The following SPAG17 variants were observed in gnomAD, a reference collection of about 807,000 sequenced individuals.
SPAG17 encodes sperm-associated antigen 17.
Under a neutral mutation model 273.6 loss-of-function variants are expected in SPAG17, and 169 were observed. The observed-to-expected ratio is 0.62, with a 90% CI of 0.55 to 0.70. The LOEUF is 0.70. SPAG17 is among the 30% of genes least tolerant of loss of function. The pLI is 0.00. For synonymous variants in SPAG17, 825 were observed against 873.2 expected (o/e 0.94, Z 0.97); for missense variants, 2,557 against 2,627.8 (o/e 0.97, Z 0.59).
chr1:118,134,473 G>T (rs1424560968), intron 3 of SPAG17, among the ~76,000 whole-genome samples: 1 of 152,046 alleles, frequency 6.6e-6, no homozygotes, highest in Non-Finnish European at 1.5e-5. Context: ...AACATGCATT[G>T]CTATAATAAT....
intron 6 of SPAG17, 82 bp from the exon 7 acceptor site, chr1:118,097,933 C>T: frequency 2.2e-6 from 2 of 912,606 alleles, no homozygotes; most frequent in East Asian, 5.3e-5. Flanking sequence ...GAGTCATATG[C>T]ATTGCAAGAT....
At chr1:118,069,989 G>A (rs979272273) in intron 17 of SPAG17, among the ~76,000 whole-genome samples, 1 of 152,164 alleles carries the variant, frequency 6.6e-6, no homozygotes, top group Non-Finnish European at 1.5e-5. Flanking sequence ...CAGCTTCATG[G>A]AGCAGTAAGG....
chr1:118,048,883 G>A (rs181235873), intron 20 of SPAG17, among the ~76,000 whole-genome samples: 88 of 152,118 alleles, frequency 5.8e-4, no homozygotes, highest in African/African-American at 1.8e-3. Context: ...GCGACAGAGC[G>A]AGACTCCATC....
chr1:118,028,899 G>A (rs1648095388), intron 25 of SPAG17, among the ~76,000 whole-genome samples: 1 of 152,134 alleles, frequency 6.6e-6, no homozygotes. Flanking sequence ...AGAGGTTGAT[G>A]GGAACACCTT....
chr1:117,995,502 C>G (rs1657551484), intron 34 of SPAG17, among the ~76,000 whole-genome samples: 1 of 151,970 alleles, frequency 6.6e-6, no homozygotes, highest in Non-Finnish European at 1.5e-5. Flanking sequence ...CTTATTCTCC[C>G]ACAGTTCCAT....
chr1:117,956,717 T>G (rs560016213), intron 48 of SPAG17, among the ~76,000 whole-genome samples: 6 of 152,310 alleles, frequency 3.9e-5, no homozygotes, highest in Middle Eastern at 3.4e-3. Flanking sequence ...TCAATCATCA[T>G]GTCAGGATCA....
chr1:118,180,002 A>G (rs751458334), intron 1 of SPAG17, among the ~76,000 whole-genome samples: 4 of 152,080 alleles, frequency 2.6e-5, no homozygotes, highest in Non-Finnish European at 5.9e-5. Flanking sequence ...TGAGAATGTA[A>G]ATTAGTACAG....
chr1:118,075,005 A>C (rs1056470359), intron 15 of SPAG17, among the ~76,000 whole-genome samples: 1 of 152,142 alleles, frequency 6.6e-6, no homozygotes, highest in African/African-American at 2.4e-5. Context: ...ATTTCTGTGG[A>C]TCTTATCTTG....
rs1478349732 is a variant in SPAG17 at position 118,091,617 on chromosome 1, T to C, written c.1348A>G (p.Met450Val). 55 of 1,604,490 alleles carry C rather than the reference T, an allele frequency of 3.4e-5. No individual in the cohort carries two copies. Among genetic ancestry groups the C allele is most frequent in the Non-Finnish European group, 4.4e-5 (51 of 1,171,826 alleles). The change falls in exon 10 of 49, where the codon ATG becomes GTG. Residue 450 changes from methionine to valine, a missense_variant. Met to Val is a conservative substitution (Grantham distance 21, BLOSUM62 1). Coordinates refer to ENST00000336338, the MANE Select transcript of SPAG17 (RefSeq NM_206996.4). Reference protein sequence around the residue: ...FISVPLILHCMLEQVVATEED... With the variant: ...FISVPLILHCVLEQVVATEED... ...AAAAGCCTCCCCACCTGTTCCAGCA[T>C]ACAATGCAGTATCAGGGGCACAGAA...
intron 7 of SPAG17, among the ~76,000 whole-genome samples, chr1:118,095,463 T>C (rs2102202690): frequency 1.3e-5 from 2 of 152,348 alleles, no homozygotes; most frequent in Middle Eastern, 6.8e-3. Context: ...TCAGGGATTA[T>C]AAGGCTGGGA....
chr1:118,048,624 G>A (rs1214603608), intron 20 of SPAG17, among the ~76,000 whole-genome samples: 7 of 152,192 alleles, frequency 4.6e-5, no homozygotes, highest in Non-Finnish European at 8.8e-5. Flanking sequence ...TCAGCCGGGC[G>A]CAGTGGCTCA....
chr1:117,988,447 C>A (rs1656688174), intron 38 of SPAG17, among the ~76,000 whole-genome samples: 1 of 152,172 alleles, frequency 6.6e-6, no homozygotes. Flanking sequence ...TCTCATTTAT[C>A]CCATATTATT....
intron 3 of SPAG17, among the ~76,000 whole-genome samples, chr1:118,119,804 A>G (rs1254678679): frequency 6.6e-6 from 1 of 152,206 alleles, no homozygotes; most frequent in Non-Finnish European, 1.5e-5. Flanking sequence ...TTACCACAGT[A>G]AAAAATATAC....
chr1:118,156,826 T>C (rs533059848), intron 1 of SPAG17, among the ~76,000 whole-genome samples: 1 of 152,124 alleles, frequency 6.6e-6, no homozygotes, highest in East Asian at 1.9e-4. Context: ...GCCTTAGAAA[T>C]TCTTATGAGT....
chr1:118,144,687 T>C (rs1658874456), intron 3 of SPAG17, among the ~76,000 whole-genome samples: 1 of 152,236 alleles, frequency 6.6e-6, no homozygotes, highest in Non-Finnish European at 1.5e-5. Context: ...GGCCACGTTC[T>C]GTAGGCATCC....
At chr1:118,029,856 C>T (rs1648225679) in intron 25 of SPAG17, among the ~76,000 whole-genome samples, 1 of 151,902 alleles carries the variant, frequency 6.6e-6, no homozygotes, top group African/African-American at 2.4e-5. Flanking sequence ...TTTTCTTTGT[C>T]ACTAACAGAG....
At chr1:117,973,094 C>T (rs748656385) in intron 44 of SPAG17, among the ~76,000 whole-genome samples, 1 of 152,090 alleles carries the variant, frequency 6.6e-6, no homozygotes, top group Non-Finnish European at 1.5e-5. Flanking sequence ...TAGTGTTTAT[C>T]AATTTTGTGG....
At chr1:117,954,977 AAGAG>A (rs1407711043) in intron 48 of SPAG17, 1 of 382,824 alleles carries the variant, frequency 2.6e-6, no homozygotes, top group Non-Finnish European at 4.6e-6. Flanking sequence ...TGAGATAAAG[AAGAG>A]AGAGAGGGGA....
intron 3 of SPAG17, among the ~76,000 whole-genome samples, chr1:118,127,184 T>C (rs1339811013): frequency 6.6e-6 from 1 of 152,212 alleles, no homozygotes; most frequent in Non-Finnish European, 1.5e-5. Context: ...TGTGATTCCA[T>C]ATTAATTTTA....
Sources: gnomAD v4.1 joint callset for allele counts (sites outside exome capture counted in the v4.1 genomes callset) on GRCh38, gnomAD v4.1.1 for gene constraint, MANE v1.5 for transcripts, NCBI Gene and HGNC (gene_info 2026-07-23, HGNC 2026-07-21) for gene names.